Variants in DENND4C observed in about 807,000 individuals in gnomAD.
DENND4C encodes the protein DENN domain-containing protein 4C.
Under a neutral mutation model 203.0 loss-of-function variants are expected in DENND4C, and 108 were observed. That is an observed-to-expected ratio of 0.53 (90% CI 0.46 to 0.62). DENND4C has a LOEUF of 0.62. Ranked by LOEUF, DENND4C falls within the 20% of genes least tolerant of loss-of-function variation. The pLI is 0.00. For missense variants in DENND4C, 2,481 were observed against 2,301.2 expected (o/e 1.08, Z -1.60); for synonymous variants, 871 against 792.4 (o/e 1.10, Z -1.67).
intron 10 of DENND4C, among the ~76,000 whole-genome samples, chr9:19,306,667 A>G (rs1487300405): frequency 6.6e-6 from 1 of 151,918 alleles, no homozygotes; most frequent in Non-Finnish European, 1.5e-5. Context: ...AATTTTGCGC[A>G]GTTTTGAGTA....
chr9:19,300,706 A>G (rs567142591), intron 9 of DENND4C, among the ~76,000 whole-genome samples: 1 of 152,330 alleles, frequency 6.6e-6, no homozygotes, highest in African/African-American at 2.4e-5. Flanking sequence ...ATTTCTCCCT[A>G]TTTTAACTTT....
intron 2 of DENND4C, among the ~76,000 whole-genome samples, chr9:19,282,645 G>A (rs372630368): frequency 1.3e-5 from 2 of 149,836 alleles, no homozygotes; most frequent in Non-Finnish European, 3.0e-5. Flanking sequence ...GCCTCAGCCT[G>A]CTGAATAGCT....
At chr9:19,348,330 T>C (rs1044288382) in intron 23 of DENND4C, among the ~76,000 whole-genome samples, 4 of 152,186 alleles carry the variant, frequency 2.6e-5, no homozygotes, top group African/African-American at 9.7e-5. Context: ...TTAGAAGCGA[T>C]ATCTCAGGAG....
At chr9:19,331,765 A>G (rs1220981981) in intron 16 of DENND4C, among the ~76,000 whole-genome samples, 2 of 152,196 alleles carry the variant, frequency 1.3e-5, no homozygotes, top group Non-Finnish European at 2.9e-5. Flanking sequence ...GCTAACAAAT[A>G]GATTTGGTAT....
At chr9:19,255,005 G>A (rs983653649) in intron 1 of DENND4C, among the ~76,000 whole-genome samples, 3 of 151,940 alleles carry the variant, frequency 2.0e-5, no homozygotes, top group Non-Finnish European at 4.4e-5. Flanking sequence ...TGGTGGTGGT[G>A]GAGGGGGGGC....
chr9:19,250,503 C>G (rs1174448495), intron 1 of DENND4C, among the ~76,000 whole-genome samples: 1 of 152,090 alleles, frequency 6.6e-6, no homozygotes, highest in Non-Finnish European at 1.5e-5. Flanking sequence ...GTTTAGATTA[C>G]AAACGTGAGT....
intron 1 of DENND4C, among the ~76,000 whole-genome samples, chr9:19,255,890 T>C (rs1468899216): frequency 6.6e-6 from 1 of 152,144 alleles, no homozygotes; most frequent in Non-Finnish European, 1.5e-5. Flanking sequence ...GAGCCCTCTG[T>C]GCAACAACAG....
chr9:19,331,955 A>G (rs755552829), intron 16 of DENND4C, 23 bp from the exon 17 acceptor site: 2 of 1,587,006 alleles, frequency 1.3e-6, no homozygotes, highest in African/African-American at 1.4e-5. Context: ...AGTAAATATC[A>G]TAATATTTTA....
At chr9:19,333,159 T>G (rs1819666784) in intron 17 of DENND4C, among the ~76,000 whole-genome samples, 2 of 151,846 alleles carry the variant, frequency 1.3e-5, no homozygotes, top group Non-Finnish European at 2.9e-5. Context: ...GGACTACAGG[T>G]GCACACCACC....
intron 1 of DENND4C, among the ~76,000 whole-genome samples, chr9:19,264,385 C>T (rs1830056390): frequency 6.6e-6 from 1 of 152,020 alleles, no homozygotes; most frequent in Admixed American, 6.6e-5. Context: ...CGGCTCACTA[C>T]AACCTCCACC....
chr9:19,343,984 G>C (rs1031937579), intron 22 of DENND4C, among the ~76,000 whole-genome samples: 1 of 152,114 alleles, frequency 6.6e-6, no homozygotes, highest in Non-Finnish European at 1.5e-5. Flanking sequence ...TTTCAAAGCA[G>C]GTACATATTT....
At chr9:19,341,939 G>A (rs200305976) in intron 21 of DENND4C, among the ~76,000 whole-genome samples, 4 of 151,866 alleles carry the variant, frequency 2.6e-5, no homozygotes, top group East Asian at 3.9e-4. Flanking sequence ...CCTGGCCAAC[G>A]TGGCGAAACC....
At chr9:19,290,649 A>C (rs994646465) in intron 4 of DENND4C, 55 bp from the exon 5 acceptor site, 7 of 1,215,998 alleles carry the variant, frequency 5.8e-6, no homozygotes, top group Non-Finnish European at 7.5e-6. Context: ...TATCATATGC[A>C]ATTTATGGAA....
chr9:19,308,091 T>C (rs1588887976), intron 10 of DENND4C, among the ~76,000 whole-genome samples: 1 of 152,310 alleles, frequency 6.6e-6, no homozygotes, highest in East Asian at 1.9e-4. Flanking sequence ...TCAACAGTGA[T>C]CAATGTTGAT....
intron 1 of DENND4C, among the ~76,000 whole-genome samples, chr9:19,237,116 G>A (rs560046966): frequency 4.6e-5 from 7 of 152,232 alleles, no homozygotes; most frequent in Admixed American, 1.3e-4. Flanking sequence ...CACCTCCTCG[G>A]TTCAAGCGAT....
intron 2 of DENND4C, among the ~76,000 whole-genome samples, chr9:19,278,812 A>T (rs1045414561): frequency 1.3e-5 from 2 of 152,156 alleles, no homozygotes; most frequent in Admixed American, 6.5e-5. Flanking sequence ...GAGCCAGGTT[A>T]GAAAGACAGG....
chr9:19,304,287 C>A (rs546604099), intron 9 of DENND4C, among the ~76,000 whole-genome samples: 3 of 150,596 alleles, frequency 2.0e-5, no homozygotes, highest in Non-Finnish European at 4.4e-5. Context: ...CGGGTTCAAG[C>A]GATTCTCCTG....
chr9:19,288,119 T>G (rs913352585), intron 3 of DENND4C, among the ~76,000 whole-genome samples: 2 of 152,262 alleles, frequency 1.3e-5, no homozygotes, highest in African/African-American at 4.8e-5. Flanking sequence ...GACTACAGCT[T>G]ACTTTTGGTT....
intron 2 of DENND4C, among the ~76,000 whole-genome samples, chr9:19,285,719 T>G (rs917350583): frequency 6.6e-6 from 1 of 152,122 alleles, no homozygotes; most frequent in Admixed American, 6.5e-5. Flanking sequence ...TTTTGATCCA[T>G]TTTTAGTTTT....
Sources: allele counts gnomAD v4.1 joint callset (sites outside exome capture counted in the v4.1 genomes callset), GRCh38; gene constraint gnomAD v4.1.1; transcripts MANE v1.5; gene names NCBI Gene and HGNC (gene_info 2026-07-23, HGNC 2026-07-21).